The following DNAH8 variants were observed in gnomAD, a reference collection of about 807,000 sequenced individuals.
The protein encoded by DNAH8 is axonemal beta dynein heavy chain 8.
Under a neutral mutation model 562.1 loss-of-function variants are expected in DNAH8, and 382 were observed. The ratio of observed to expected loss-of-function variants is 0.68; its 90% confidence interval spans 0.63 to 0.74. DNAH8 has a LOEUF of 0.74. Among genes scored for constraint, DNAH8 ranks in the 30% least tolerant of loss-of-function variants. The pLI, the probability that DNAH8 is intolerant of heterozygous loss-of-function variation, is 0.00. For missense variants in DNAH8, 5,203 were observed against 5,620.4 expected (o/e 0.93, Z 2.37); for synonymous variants, 1,881 against 1,919.4 (o/e 0.98, Z 0.52).
At chr6:38,992,939 T>G (rs1764893418) in intron 88 of DNAH8, among the ~76,000 whole-genome samples, 1 of 152,230 alleles carries the variant, frequency 6.6e-6, no homozygotes, top group South Asian at 2.1e-4. Flanking sequence ...TTGATCCATT[T>G]GCTTTTTCTC....
intron 32 of DNAH8, 80 bp downstream of exon 32, chr6:38,834,721 T>G: frequency 8.7e-7 from 1 of 1,142,944 alleles, no homozygotes; most frequent in Non-Finnish European, 1.3e-6. Flanking sequence ...GTTTTACTTT[T>G]TAATAGAAAA....
chr6:38,759,352 C>T (rs758685470), intron 10 of DNAH8, among the ~76,000 whole-genome samples: 14 of 151,736 alleles, frequency 9.2e-5, no homozygotes, highest in African/African-American at 1.5e-4. Flanking sequence ...CCACCACCAA[C>T]GAAAAAACCC....
Position 38,903,157 on chromosome 6 carries a change from G to T in DNAH8, c.9195-3097G>T, listed in dbSNP as rs112010460. ...GTGTAGGCATACTCTACGCTGTTCT[G>T]TATTAGTCAGTTTTTGCATTGCTAT... On this transcript the variant is annotated intron_variant, in intron 62 of 92. Transcript: ENST00000327475. Among the ~76,000 whole-genome samples the T allele has an allele frequency of 6.9e-3, 1,056 of 152,230 alleles. 15 individuals are homozygous for T. The highest frequency in any genetic ancestry group is 0.024 in the African/African-American group (986 of 41,536).
intron 18 of DNAH8, among the ~76,000 whole-genome samples, chr6:38,788,770 A>G (rs1382560060): frequency 1.3e-5 from 2 of 152,158 alleles, no homozygotes; most frequent in South Asian, 4.1e-4. Context: ...AAGCACAAAC[A>G]TTTTAAATTT....
Position 38,832,314 on chromosome 6 carries a change from T to C in DNAH8, c.4189-8T>C. 1 of 1,564,088 alleles carries C rather than the reference T, an allele frequency of 6.4e-7. No individual in the cohort carries two copies. The highest frequency in any genetic ancestry group is 8.8e-7 in the Non-Finnish European group (1 of 1,137,424). On this transcript the variant is annotated splice_region_variant and splice_polypyrimidine_tract_variant and intron_variant, in intron 30 of 92. Transcript: ENST00000327475. ...CACTCTCAGGTTGAATATTCTTTTT[T>C]ATTGTAGGTTTCAGTACAAGAGGAC... is the stretch of plus-strand genomic sequence containing the variant.
intron 69 of DNAH8, among the ~76,000 whole-genome samples, 180 bp downstream of exon 69, chr6:38,917,586 T>C (rs1183432713): frequency 6.6e-6 from 1 of 152,238 alleles, no homozygotes; most frequent in African/African-American, 2.4e-5. Flanking sequence ...AAATACCTTC[T>C]TTTTATGACA....
chr6:38,972,958 A>G (rs899762863), intron 83 of DNAH8, among the ~76,000 whole-genome samples: 5 of 152,178 alleles, frequency 3.3e-5, no homozygotes, highest in African/African-American at 1.2e-4. Flanking sequence ...GCCTTGCCAT[A>G]TATTTATCAT....
chr6:38,865,734 A>G (rs1359718995), intron 45 of DNAH8, among the ~76,000 whole-genome samples: 1 of 152,198 alleles, frequency 6.6e-6, no homozygotes, highest in African/African-American at 2.4e-5. Context: ...GTAGTTTTTA[A>G]TCTAGGTGTT....
chr6:38,781,082 C>T (rs1768547188), intron 15 of DNAH8, among the ~76,000 whole-genome samples, 172 bp from the exon 16 acceptor site: 1 of 152,138 alleles, frequency 6.6e-6, no homozygotes, highest in African/African-American at 2.4e-5. Flanking sequence ...ATATGGTCAA[C>T]ATCATTGTTT....
intron 32 of DNAH8, among the ~76,000 whole-genome samples, chr6:38,837,718 T>G (rs1213339919): frequency 1.3e-5 from 2 of 152,208 alleles, no homozygotes; most frequent in African/African-American, 4.8e-5. Flanking sequence ...AGAAATAATT[T>G]TATATAAAAT....
chr6:38,811,702 A>C lies in DNAH8; in HGVS notation c.3258-2352A>C, dbSNP rs147149956. On this transcript the variant is annotated intron_variant, in intron 24 of 92. Coordinates refer to ENST00000327475, the MANE Select transcript of DNAH8 (RefSeq NM_001206927.2). ...TTCTGTTTCGTTTTTGGATTTCGTT[A>C]GCTCTCTTTCTTACCCTTAGACATA... Among the ~76,000 whole-genome samples, 154 of 152,126 alleles carry C rather than the reference A, an allele frequency of 1.0e-3. 1 individual carries two copies. The highest frequency in any genetic ancestry group is 3.4e-3 in the African/African-American group (141 of 41,514).
At chr6:38,905,054 T>C (rs1032777725) in intron 62 of DNAH8, among the ~76,000 whole-genome samples, 1 of 152,198 alleles carries the variant, frequency 6.6e-6, no homozygotes, top group African/African-American at 2.4e-5. Flanking sequence ...CTTTAAAAAA[T>C]CAGCCAAATT....
intron 35 of DNAH8, among the ~76,000 whole-genome samples, chr6:38,844,362 A>G (rs188760601): frequency 6.6e-6 from 1 of 151,818 alleles, no homozygotes; most frequent in Non-Finnish European, 1.5e-5. Flanking sequence ...CCATTATTCT[A>G]TGTTTTTGGA....
Position 38,886,917 on chromosome 6 carries a change from C to A in DNAH8, c.8386C>A (p.Arg2796=). ...AGCAATGATCCACCCTGGAGGTGGT[C>A]GAAATGATATTCCACAACGTTTAAA... The part of the protein sequence containing the change: ...IAAMIHPGGG[R]NDIPQRLKRQ... The change falls in exon 57 of 93, where the codon CGA becomes AGA. Residue 2796 remains arginine, a synonymous_variant. Transcript: ENST00000327475. 2 of 1,613,758 alleles carry A rather than the reference C, an allele frequency of 1.2e-6. No homozygotes were observed. Among genetic ancestry groups the A allele is most frequent in the South Asian group, 1.1e-5 (1 of 91,020 alleles).
At chr6:38,892,805 G>A (rs749696065) in intron 58 of DNAH8, among the ~76,000 whole-genome samples, 5 of 152,030 alleles carry the variant, frequency 3.3e-5, no homozygotes, top group African/African-American at 7.2e-5. Flanking sequence ...TACTTCCCTT[G>A]CCTGCCACCA....
intron 47 of DNAH8, among the ~76,000 whole-genome samples, chr6:38,867,790 T>C (rs1179521512): frequency 1.3e-5 from 2 of 151,654 alleles, no homozygotes; most frequent in Non-Finnish European, 2.9e-5. Flanking sequence ...GAAACTATTG[T>C]TTGTTGCTCA....
At chr6:38,946,555 A>G (rs1761444707) in intron 80 of DNAH8, among the ~76,000 whole-genome samples, 1 of 152,222 alleles carries the variant, frequency 6.6e-6, no homozygotes, top group South Asian at 2.1e-4. Flanking sequence ...TCACGCCTGT[A>G]ATCCCAGCAC....
chr6:38,936,749 G>A (rs1436464822), intron 77 of DNAH8, among the ~76,000 whole-genome samples: 1 of 152,150 alleles, frequency 6.6e-6, no homozygotes, highest in African/African-American at 2.4e-5. Flanking sequence ...AGCCAAGAGT[G>A]TGCTGGATCA....
chr6:38,950,189 CGTGTGT>C (rs10546857), intron 81 of DNAH8, among the ~76,000 whole-genome samples: 49 of 144,096 alleles, frequency 3.4e-4, no homozygotes, highest in African/African-American at 6.2e-4. Context: ...TGTGTGTCTG[CGTGTGT>C]GTGTGTGTGT....
Sources: gnomAD v4.1 joint callset for allele counts (sites outside exome capture counted in the v4.1 genomes callset) on GRCh38, gnomAD v4.1.1 for gene constraint, MANE v1.5 for transcripts, NCBI Gene and HGNC (gene_info 2026-07-23, HGNC 2026-07-21) for gene names.